Variants in GDI2 observed in about 807,000 individuals in gnomAD.
GDI2 encodes the protein GDP dissociation inhibitor 2.
In GDI2, 22 loss-of-function variants were observed where a neutral mutation model predicts 54.2. The observed-to-expected ratio is 0.41, with a 90% CI of 0.29 to 0.58. GDI2 has a LOEUF of 0.58. GDI2 is among the 20% of genes least tolerant of loss of function. The pLI is 0.35. For missense variants in GDI2, 422 were observed against 546.0 expected (o/e 0.77, Z 2.26); for synonymous variants, 177 against 182.1 (o/e 0.97, Z 0.23).
chr10:5,806,419 CA>C (rs145915458), intron 1 of GDI2, among the ~76,000 whole-genome samples: 3 of 148,006 alleles, frequency 2.0e-5, no homozygotes, highest in African/African-American at 5.0e-5. Flanking sequence ...AAAAAAAAAA[CA>C]AAAAAACGTT....
chr10:5,781,894 T>C (rs559016880), intron 6 of GDI2, among the ~76,000 whole-genome samples: 1 of 152,030 alleles, frequency 6.6e-6, no homozygotes, highest in Non-Finnish European at 1.5e-5. Flanking sequence ...ATGCCTGTAG[T>C]CCCAGCTACT....
chr10:5,796,496 G>A (rs1173546056), intron 3 of GDI2, among the ~76,000 whole-genome samples: 1 of 152,178 alleles, frequency 6.6e-6, no homozygotes. Context: ...CAACAGGTAA[G>A]TCTGTGCCAA....
Position 5,768,572 on chromosome 10 carries a change from G to T in GDI2, c.820-188C>A, listed in dbSNP as rs1464697502. On this transcript the variant is annotated intron_variant, in intron 7 of 10. Coordinates refer to ENST00000380191, the MANE Select transcript of GDI2 (RefSeq NM_001494.4). The surrounding 1 kb of genome is among the most constrained non-coding windows in gnomAD (Gnocchi z 4.4). ...TTAAAAGAAGAACAGCAAAGCTGGAGGACTCACTCACTAAAAAGCTACAGT... is the reference window on the plus strand; with the variant it reads ...TTAAAAGAAGAACAGCAAAGCTGGATGACTCACTCACTAAAAAGCTACAGT... 3 of 573,964 alleles carry T rather than the reference G, an allele frequency of 5.2e-6. No individual in the cohort carries two copies. The highest frequency in any genetic ancestry group is 6.2e-6 in the Non-Finnish European group (2 of 323,260). 35.6% of individuals were successfully genotyped at this position (573,964 alleles called of 1,614,324 possible). A position where few individuals can be genotyped will look rare whatever the true frequency, so the allele number is the denominator to read the frequency against.
At chr10:5,805,973 T>C (rs545644592) in intron 1 of GDI2, among the ~76,000 whole-genome samples, 1 of 152,356 alleles carries the variant, frequency 6.6e-6, no homozygotes, top group East Asian at 1.9e-4. Flanking sequence ...GGTGGATATT[T>C]GGATAGTTTC....
rs758227144 is a variant in GDI2, at chr10:5,776,178, C to T, written c.720-2237G>A. 15 of 328,454 alleles carry T rather than the reference C, an allele frequency of 4.6e-5. No individual in the cohort carries two copies. The highest frequency in any genetic ancestry group is 1.1e-3 in the Middle Eastern group (1 of 870). 20.3% of individuals were successfully genotyped at this position (328,454 alleles called of 1,614,324 possible). On this transcript the variant is annotated intron_variant, in intron 6 of 10. Coordinates refer to ENST00000380191, the MANE Select transcript of GDI2 (RefSeq NM_001494.4). This position sits in a 1 kb window ranked among gnomAD's most constrained non-coding sequence, Gnocchi z 5.3. ...AGGCTGCGGCATATCCTTCAGAAGC[C>T]GTGAAGCTGACAGTCTGAGCAGGCT...
chr10:5,783,386 A>G (rs1227830890), intron 6 of GDI2, among the ~76,000 whole-genome samples: 1 of 152,074 alleles, frequency 6.6e-6, no homozygotes, highest in African/African-American at 2.4e-5. Context: ...TTGGTTGATG[A>G]GTTCTTATCC....
At chr10:5,806,464 T>C (rs1198469439) in intron 1 of GDI2, among the ~76,000 whole-genome samples, 1 of 151,950 alleles carries the variant, frequency 6.6e-6, no homozygotes, top group African/African-American at 2.4e-5. Flanking sequence ...AAGGCACTTA[T>C]GATAAGTGCC....
chr10:5,776,723 T>C lies in GDI2; in HGVS notation c.720-2782A>G. The C allele has an allele frequency of 6.7e-7, 1 of 1,487,112 alleles. No individual in the cohort carries two copies. Among genetic ancestry groups the C allele is most frequent in the Non-Finnish European group, 9.3e-7 (1 of 1,070,024 alleles). The allele number at this position is 1,487,112 out of a possible 1,614,324, so 92.1% of individuals were successfully genotyped here. A position where few individuals can be genotyped will look rare whatever the true frequency, so the allele number is the denominator to read the frequency against. On this transcript the variant is annotated intron_variant, in intron 6 of 10. Transcript: ENST00000380191. This position sits in a 1 kb window ranked among gnomAD's most constrained non-coding sequence, Gnocchi z 5.3. The stretch of plus-strand genomic sequence containing the variant: ...ACATTCAGAAACTGCTACAGCCTCT[T>C]TAACCTGGCAGAAGTTTGCAGCAAA...
intron 4 of GDI2, among the ~76,000 whole-genome samples, chr10:5,790,311 T>A (rs1840982518): frequency 6.6e-6 from 1 of 152,154 alleles, no homozygotes; most frequent in Non-Finnish European, 1.5e-5. Context: ...GCACTGTCTT[T>A]TCTATAGCTT....
chr10:5,766,972 T>TGC lies in GDI2; in HGVS notation c.992-336_992-335dup, dbSNP rs1325247120. On this transcript the variant is annotated intron_variant, in intron 8 of 10. Coordinates refer to ENST00000380191, the MANE Select transcript of GDI2 (RefSeq NM_001494.4). This position sits in a 1 kb window ranked among gnomAD's most constrained non-coding sequence, Gnocchi z 5.8. ...TGGGAGATTCTTCCATTCTGGACCT[T>TGC]GCATTTAGAAAGGTTCTGAATGGCT... is the stretch of plus-strand genomic sequence containing the variant. Among the ~76,000 whole-genome samples, 2 of 152,226 alleles carry TGC rather than the reference T, an allele frequency of 1.3e-5. No homozygotes were observed. The highest frequency in any genetic ancestry group is 4.8e-5 in the African/African-American group (2 of 41,458).
chr10:5,794,182 AAAAAAAAT>A (rs1489582807), intron 4 of GDI2, among the ~76,000 whole-genome samples: 5 of 54,394 alleles, frequency 9.2e-5, no homozygotes, highest in Admixed American at 5.2e-4. Context: ...GAAAAAAAAA[AAAAAAAAT>A]ATATATATAT....
chr10:5,788,703 CA>C (rs113084643), intron 4 of GDI2, among the ~76,000 whole-genome samples: 2 of 152,138 alleles, frequency 1.3e-5, no homozygotes, highest in African/African-American at 4.8e-5. Flanking sequence ...ACAGACAGGA[CA>C]AGCTTGATGT....
At position 5,776,985 on chromosome 10, in the gene GDI2, T is replaced by C; in HGVS notation, c.720-3044A>G. On this transcript the variant is annotated intron_variant, in intron 6 of 10. Transcript: ENST00000380191. The surrounding 1 kb of genome is among the most constrained non-coding windows in gnomAD (Gnocchi z 5.3). ...CGGAAATGCTTCATCTGGCAGACTG[T>C]GGGAGAAGAGGCATTGCCAGGACTT... 1 of 503,898 alleles carries C rather than the reference T, an allele frequency of 2.0e-6. No homozygotes were observed. Among genetic ancestry groups the C allele is most frequent in the Non-Finnish European group, 3.5e-6 (1 of 286,236 alleles). The allele number at this position is 503,898 out of a possible 1,614,324, so 31.2% of individuals were successfully genotyped here.
rs556796402 is a variant in GDI2, at chr10:5,785,705, G to C, written c.587+147C>G. 8.6e-4 allele frequency: 527 copies of C among 612,144 alleles called. 1 individual carries two copies. Among genetic ancestry groups the C allele is most frequent in the Middle Eastern group, 4.0e-3 (9 of 2,270 alleles). 37.9% of individuals were successfully genotyped at this position (612,144 alleles called of 1,614,324 possible). Reference sequence around the variant, plus strand: ...ACCTTTATATTTAAATCACTTAAAAGGTCCCAACACTAATTTCAACTAGAA... The same window carrying C: ...ACCTTTATATTTAAATCACTTAAAACGTCCCAACACTAATTTCAACTAGAA... On this transcript the variant is annotated intron_variant, in intron 5 of 10. Transcript: ENST00000380191.
At chr10:5,775,655 G>A (rs972380234) in intron 6 of GDI2, among the ~76,000 whole-genome samples, 1 of 152,196 alleles carries the variant, frequency 6.6e-6, no homozygotes, top group African/African-American at 2.4e-5. Flanking sequence ...GGAGGGAAAA[G>A]CGAAGGAATC....
At chr10:5,798,496 C>T (rs760320924) in intron 2 of GDI2, among the ~76,000 whole-genome samples, 6 of 150,550 alleles carry the variant, frequency 4.0e-5, no homozygotes, top group Non-Finnish European at 8.9e-5. Flanking sequence ...GGCTGAGGCA[C>T]GAGAATCGTT....
rs753466129 is a variant in GDI2 at position 5,766,194 on chromosome 10, G to A, written c.1192-42C>T. ...CGAAGACTTAAGACCATGGAGGGAT[G>A]TCTTCCAGTGAAACCTGCCCATATC... On this transcript the variant is annotated intron_variant, in intron 10 of 10. Coordinates refer to ENST00000380191, the MANE Select transcript of GDI2 (RefSeq NM_001494.4). The surrounding 1 kb of genome is among the most constrained non-coding windows in gnomAD (Gnocchi z 5.8). 3 of 1,610,098 alleles carry A rather than the reference G, an allele frequency of 1.9e-6. No homozygotes were observed. In the African/African-American group the frequency reaches 4.0e-5, roughly 22 times the overall value.
intron 6 of GDI2, among the ~76,000 whole-genome samples, chr10:5,777,335 T>C (rs1206326614): frequency 6.6e-6 from 1 of 152,116 alleles, no homozygotes; most frequent in Non-Finnish European, 1.5e-5. Flanking sequence ...TAGCCGGGCA[T>C]GATGGCAGGT....
Position 5,800,689 on chromosome 10 carries a change from C to T in GDI2, c.62G>A (p.Gly21Asp). ...TTTCTTGCCATTCACTGACATTATA[C>T]CTGACAGGATACATTCCTATAGAAA... is the stretch of plus-strand genomic sequence containing the variant. The part of the protein sequence containing the change: ...GTGLTECILS[G>D]IMSVNGKKVL... Residue 21 changes from glycine to aspartate, a missense_variant, in exon 2 of 11, where the codon GGT becomes GAT. By Grantham distance (94) the Gly-to-Asp change is moderately conservative. Transcript: ENST00000380191. 1.3e-6 allele frequency: 2 copies of T among 1,551,890 alleles called. No homozygotes were observed. Among genetic ancestry groups the T allele is most frequent in the Non-Finnish European group, 1.8e-6 (2 of 1,123,268 alleles).
Sources: allele counts gnomAD v4.1 joint callset (sites outside exome capture counted in the v4.1 genomes callset), GRCh38; gene constraint gnomAD v4.1.1; non-coding constraint Gnocchi (gnomAD v3.1); transcripts MANE v1.5; gene names NCBI Gene and HGNC (gene_info 2026-07-23, HGNC 2026-07-21).